The following KCNIP1 variants were observed in gnomAD, a reference collection of about 807,000 sequenced individuals.
KCNIP1 encodes potassium voltage-gated channel interacting protein 1.
Under a neutral mutation model 33.0 loss-of-function variants are expected in KCNIP1, and 18 were observed. The ratio of observed to expected loss-of-function variants is 0.55; its 90% CI spans 0.38 to 0.81. The LOEUF is 0.81. KCNIP1 is among the 30% of genes least tolerant of loss of function. KCNIP1 has a pLI of 0.00. For synonymous variants in KCNIP1, 93 were observed against 98.3 expected (o/e 0.95, Z 0.32); for missense variants, 238 against 271.6 (o/e 0.88, Z 0.87).
intron 1 of KCNIP1, among the ~76,000 whole-genome samples, chr5:170,574,336 G>T (rs1757521337): frequency 6.6e-6 from 1 of 152,160 alleles, no homozygotes; most frequent in South Asian, 2.1e-4. Flanking sequence ...GTAACACTAA[G>T]CATTAAAATA....
intron 1 of KCNIP1, among the ~76,000 whole-genome samples, chr5:170,580,626 G>A (rs775157993): frequency 3.3e-5 from 5 of 152,092 alleles, no homozygotes; most frequent in African/African-American, 7.2e-5. Context: ...TTCAGGGGAC[G>A]GATACTCAGA....
chr5:170,694,426 C>G (rs1223541615), intron 1 of KCNIP1, among the ~76,000 whole-genome samples: 2 of 152,078 alleles, frequency 1.3e-5, no homozygotes, highest in Admixed American at 1.3e-4. Flanking sequence ...TAAGCACTTT[C>G]TAAGCATCAG....
At chr5:170,712,336 A>G (rs1338823583) in intron 1 of KCNIP1, among the ~76,000 whole-genome samples, 2 of 152,244 alleles carry the variant, frequency 1.3e-5, no homozygotes, top group Non-Finnish European at 2.9e-5. Flanking sequence ...CTCCAAGAGA[A>G]CAGAGAACAG....
At chr5:170,557,665 A>G (rs927236080) in intron 1 of KCNIP1, among the ~76,000 whole-genome samples, 1 of 152,196 alleles carries the variant, frequency 6.6e-6, no homozygotes, top group Non-Finnish European at 1.5e-5. Context: ...AGGGAAGAGC[A>G]TTTCTAGGCA....
intron 1 of KCNIP1, among the ~76,000 whole-genome samples, chr5:170,634,664 T>A (rs1328661990): frequency 6.6e-6 from 1 of 152,090 alleles, no homozygotes; most frequent in Non-Finnish European, 1.5e-5. Context: ...GGCTCTTCAA[T>A]GGTAAGAGGT....
rs1263295386 is a variant in KCNIP1 at position 170,589,780 on chromosome 5, GTGATGTGA to G, written c.61+85150_61+85157del. On this transcript the variant is annotated intron_variant, in intron 1 of 7. Transcript: ENST00000328939. The stretch of plus-strand genomic sequence containing the variant: ...GTGGTGTGGTGTGGTGTGGTGTGGT[GTGATGTGA>G]TGTGGTGTGCGGTGCGGTGCGGTGC... 9.1e-3 allele frequency among the ~76,000 whole-genome samples: 1,322 copies of G among 144,686 alleles called. 18 individuals carry two copies. Among genetic ancestry groups the G allele is most frequent in the East Asian group, 0.045 (211 of 4,732 alleles). 94.9% of individuals were successfully genotyped at this position (144,686 alleles called of 152,430 possible). A position where few individuals can be genotyped will look rare whatever the true frequency, so the allele number is the denominator to read the frequency against.
intron 1 of KCNIP1, among the ~76,000 whole-genome samples, chr5:170,549,211 A>G (rs887935892): frequency 3.3e-5 from 5 of 152,222 alleles, no homozygotes; most frequent in African/African-American, 1.2e-4. Context: ...TTTCATCCAG[A>G]GTTTCAAGGA....
intron 1 of KCNIP1, among the ~76,000 whole-genome samples, chr5:170,559,444 T>G (rs1256067922): frequency 6.6e-6 from 1 of 152,168 alleles, no homozygotes; most frequent in Non-Finnish European, 1.5e-5. Flanking sequence ...TCATGCCTTT[T>G]CTATCTACTA....
chr5:170,610,387 A>T (rs1038399021), intron 1 of KCNIP1, among the ~76,000 whole-genome samples: 1 of 152,148 alleles, frequency 6.6e-6, no homozygotes, highest in African/African-American at 2.4e-5. Flanking sequence ...CTTAGCATAC[A>T]CTCATGAAAC....
chr5:170,379,958 A>G (rs1764175707), intron 1 of KCNIP1, among the ~76,000 whole-genome samples: 2 of 152,092 alleles, frequency 1.3e-5, no homozygotes, highest in Admixed American at 1.3e-4. Context: ...TTTCAAAAAA[A>G]AAAAAAAAGT....
intron 1 of KCNIP1, among the ~76,000 whole-genome samples, chr5:170,622,922 C>T (rs1016597507): frequency 1.3e-5 from 2 of 152,196 alleles, no homozygotes; most frequent in African/African-American, 2.4e-5. Flanking sequence ...GACAATTTTT[C>T]CACGGACAGG....
chr5:170,523,638 CTCT>C (rs1016931725), intron 1 of KCNIP1, among the ~76,000 whole-genome samples: 4 of 152,130 alleles, frequency 2.6e-5, no homozygotes, highest in Non-Finnish European at 5.9e-5. Context: ...GACCTAATCC[CTCT>C]TCTTTACTCC....
chr5:170,358,760 G>C (rs1763416886), intron 1 of KCNIP1, among the ~76,000 whole-genome samples: 1 of 152,304 alleles, frequency 6.6e-6, no homozygotes, highest in Non-Finnish European at 1.5e-5. Context: ...CCTGGAGGTA[G>C]GGATTGCAAT....
chr5:170,630,513 G>C (rs1277171006), intron 1 of KCNIP1, among the ~76,000 whole-genome samples: 1 of 152,234 alleles, frequency 6.6e-6, no homozygotes, highest in Non-Finnish European at 1.5e-5. Flanking sequence ...CTGGAGCCCA[G>C]AGGCGTCCAT....
rs984151855 is a variant in KCNIP1 at position 170,537,656 on chromosome 5, G to A, written c.61+33023G>A. ...GGCGGAGACTGCGGGCAGGAGGAGA[G>A]TGACACGAGGTGTCAACTCCCAGGC... On this transcript the variant is annotated intron_variant, in intron 1 of 7. Coordinates refer to ENST00000328939, the MANE Select transcript of KCNIP1 (RefSeq NM_014592.4). Among the ~76,000 whole-genome samples, 3 of 152,234 alleles carry A rather than the reference G, an allele frequency of 2.0e-5. No homozygotes were observed. The East Asian group carries it at 5.8e-4, about 29-fold the overall frequency.
At chr5:170,720,526 A>G in intron 3 of KCNIP1, 136 bp downstream of exon 3, 2 of 701,938 alleles carry the variant, frequency 2.8e-6, no homozygotes, top group Non-Finnish European at 5.1e-6. Context: ...CACCTCCCTC[A>G]TCGTGAGAGG....
At chr5:170,646,938 A>G (rs1221653049) in intron 1 of KCNIP1, among the ~76,000 whole-genome samples, 2 of 152,208 alleles carry the variant, frequency 1.3e-5, no homozygotes, top group East Asian at 1.9e-4. Context: ...TCACTTTCCT[A>G]TATACCAGCA....
chr5:170,460,382 C>A (rs987006726), intron 1 of KCNIP1, among the ~76,000 whole-genome samples: 1 of 151,928 alleles, frequency 6.6e-6, no homozygotes. Context: ...AAGGACACAA[C>A]CAAAAAAGAA....
At chr5:170,667,447 AG>A (rs1185950459) in intron 1 of KCNIP1, among the ~76,000 whole-genome samples, 3 of 152,260 alleles carry the variant, frequency 2.0e-5, no homozygotes, top group Non-Finnish European at 4.4e-5. Context: ...AATTTGCACA[AG>A]CAAACTGCCT....
Sources: gnomAD v4.1 joint callset for allele counts (sites outside exome capture counted in the v4.1 genomes callset) on GRCh38, gnomAD v4.1.1 for gene constraint, MANE v1.5 for transcripts, NCBI Gene and HGNC (gene_info 2026-07-23, HGNC 2026-07-21) for gene names.